The following TMEM117 variants were observed in gnomAD, a reference collection of about 807,000 sequenced individuals.
TMEM117 encodes transmembrane protein 117.
TMEM117 carries 27 observed loss-of-function variants against 52.4 expected under a neutral mutation model. That is an observed-to-expected ratio of 0.51 (90% confidence interval 0.38 to 0.71). The LOEUF (loss-of-function observed/expected upper bound fraction) is 0.71, where lower values mean the gene tolerates loss of function less well. Ranked by LOEUF, TMEM117 falls within the 30% of genes least tolerant of loss-of-function variation. The probability of loss-of-function intolerance (pLI) is 0.00; values close to 1 mark genes in which losing one functional copy is unlikely to be tolerated. For synonymous variants in TMEM117, 215 were observed against 206.3 expected (o/e 1.04, Z -0.36); for missense variants, 556 against 630.5 (o/e 0.88, Z 1.26).
At chr12:44,116,725 G>C (rs1298450738) in intron 3 of TMEM117, among the ~76,000 whole-genome samples, 1 of 152,216 alleles carries the variant, frequency 6.6e-6, no homozygotes, top group Non-Finnish European at 1.5e-5. Flanking sequence ...TGGGTCACCA[G>C]TTGCTGAAGC....
At chr12:43,868,191 C>G (rs1466870844) in intron 2 of TMEM117, among the ~76,000 whole-genome samples, 1 of 145,864 alleles carries the variant, frequency 6.9e-6, no homozygotes, top group Non-Finnish European at 1.5e-5. Flanking sequence ...TCTCCCTCCA[C>G]CCAACCCCCG....
At chr12:43,805,942 C>T in the TMEM117 span, 1 of 1,534,058 alleles carries the variant, frequency 6.5e-7, no homozygotes, top group Non-Finnish European at 8.8e-7. Context: ...GAAGGCACGC[C>T]CCCTTCAACC....
At chr12:44,274,483 C>A (rs945814024) in intron 5 of TMEM117, among the ~76,000 whole-genome samples, 12 of 151,868 alleles carry the variant, frequency 7.9e-5, no homozygotes, top group African/African-American at 2.7e-4. Flanking sequence ...AACAAGAGAC[C>A]CAGAACAGCC....
intron 3 of TMEM117, among the ~76,000 whole-genome samples, chr12:43,966,760 T>G (rs527274169): frequency 6.6e-6 from 1 of 152,350 alleles, no homozygotes; most frequent in East Asian, 1.9e-4. Flanking sequence ...AAATCCATAT[T>G]CATAGTGAAG....
the TMEM117 span, among the ~76,000 whole-genome samples, chr12:43,823,005 T>G: frequency 3.3e-5 from 5 of 152,160 alleles, no homozygotes; most frequent in Non-Finnish European, 7.4e-5. Flanking sequence ...GAACCCACAG[T>G]ACACGTTTAA....
chr12:43,811,333 C>G, the TMEM117 span, among the ~76,000 whole-genome samples: 2 of 152,290 alleles, frequency 1.3e-5, no homozygotes, highest in Non-Finnish European at 1.5e-5. Context: ...CAGCTGCTGT[C>G]TTGGACCTGA....
chr12:44,044,021 C>T (rs1262089887), intron 3 of TMEM117, among the ~76,000 whole-genome samples: 1 of 152,160 alleles, frequency 6.6e-6, no homozygotes, highest in Non-Finnish European at 1.5e-5. Flanking sequence ...TGCCTGCCCT[C>T]CCTTGTTTTA....
At chr12:44,074,318 A>C (rs1216994405) in intron 3 of TMEM117, among the ~76,000 whole-genome samples, 1 of 152,196 alleles carries the variant, frequency 6.6e-6, no homozygotes, top group Non-Finnish European at 1.5e-5. Context: ...TGTCCTGGGT[A>C]CATGGGAACA....
chr12:44,049,582 T>C (rs188734732), intron 3 of TMEM117, among the ~76,000 whole-genome samples: 20 of 151,866 alleles, frequency 1.3e-4, no homozygotes, highest in African/African-American at 4.3e-4. Context: ...ATGCCTGGGT[T>C]AGTCCCTATC....
At chr12:44,260,546 A>G (rs1020429525) in intron 5 of TMEM117, among the ~76,000 whole-genome samples, 1 of 152,200 alleles carries the variant, frequency 6.6e-6, no homozygotes, top group African/African-American at 2.4e-5. Flanking sequence ...TCTATGGTAA[A>G]TACAAAAACA....
intron 2 of TMEM117, among the ~76,000 whole-genome samples, chr12:43,882,113 A>G (rs73098813): frequency 0.039 from 5,955 of 152,024 alleles, 147 homozygotes; most frequent in Middle Eastern, 0.088. Flanking sequence ...AACAACAAAG[A>G]CTTTAAAAAT....
At chr12:43,871,476 CT>C (rs1402091818) in intron 2 of TMEM117, among the ~76,000 whole-genome samples, 1 of 152,156 alleles carries the variant, frequency 6.6e-6, no homozygotes, top group Non-Finnish European at 1.5e-5. Flanking sequence ...ATTTGCATTT[CT>C]GTAATGATCA....
intron 4 of TMEM117, among the ~76,000 whole-genome samples, chr12:44,165,141 A>G (rs747199149): frequency 6.6e-6 from 1 of 152,138 alleles, no homozygotes; most frequent in Non-Finnish European, 1.5e-5. Context: ...CCTTCATGAG[A>G]TCAACTTTTT....
chr12:43,799,360 A>G, the TMEM117 span: 3 of 1,338,870 alleles, frequency 2.2e-6, no homozygotes, highest in Admixed American at 5.8e-5. Context: ...ATTTTCAAAC[A>G]CTTAAAATCT....
chr12:44,131,749 A>G (rs1948416926), intron 3 of TMEM117, among the ~76,000 whole-genome samples: 1 of 152,168 alleles, frequency 6.6e-6, no homozygotes, highest in African/African-American at 2.4e-5. Flanking sequence ...TAAAATTGAT[A>G]TTAATATAGC....
intron 6 of TMEM117, among the ~76,000 whole-genome samples, chr12:44,373,125 C>G (rs1011345742): frequency 6.6e-6 from 1 of 152,216 alleles, no homozygotes; most frequent in Non-Finnish European, 1.5e-5. Flanking sequence ...CAAATGTCCA[C>G]AGATTTCCTC....
intron 2 of TMEM117, among the ~76,000 whole-genome samples, chr12:43,930,907 T>G (rs374950613): frequency 1.3e-5 from 2 of 152,262 alleles, no homozygotes; most frequent in East Asian, 1.9e-4. Context: ...TCTTCCTGAA[T>G]GGAAGAGATA....
At chr12:44,350,817 A>C (rs1280759917) in intron 6 of TMEM117, among the ~76,000 whole-genome samples, 1 of 152,038 alleles carries the variant, frequency 6.6e-6, no homozygotes, top group Non-Finnish European at 1.5e-5. Flanking sequence ...ACAGTGCTGC[A>C]ACAAACATGA....
intron 3 of TMEM117, among the ~76,000 whole-genome samples, chr12:43,962,801 G>A (rs981926248): frequency 3.3e-5 from 5 of 151,954 alleles, no homozygotes; most frequent in Non-Finnish European, 7.4e-5. Context: ...GGCGGCGGGC[G>A]CCTGTAGTCC....
Sources: allele counts gnomAD v4.1 joint callset (sites outside exome capture counted in the v4.1 genomes callset), GRCh38; gene constraint gnomAD v4.1.1; transcripts MANE v1.5; gene names NCBI Gene and HGNC (gene_info 2026-07-23, HGNC 2026-07-21).